Variants in KAT2B observed in about 807,000 individuals in gnomAD.
The protein encoded by KAT2B is histone acetyltransferase KAT2B.
KAT2B carries 36 observed loss-of-function variants against 105.9 expected under a neutral mutation model. The observed-to-expected ratio is 0.34, with a 90% CI of 0.26 to 0.45. The LOEUF is 0.45. Ranked by LOEUF, KAT2B falls within the 20% of genes least tolerant of loss-of-function variation. The pLI is 1.00. For missense variants in KAT2B, 820 were observed against 1,021.6 expected, an observed-to-expected ratio of 0.80 and a Z score of 2.69; for synonymous variants, 397 against 377.9, an observed-to-expected ratio of 1.05 and a Z score of -0.59.
intron 2 of KAT2B, among the ~76,000 whole-genome samples, chr3:20,077,269 G>A (rs1019774918): frequency 2.6e-5 from 4 of 152,174 alleles, no homozygotes; most frequent in African/African-American, 9.7e-5. Context: ...TTGAGCCCAG[G>A]AGTTTGAGGC....
intron 1 of KAT2B, among the ~76,000 whole-genome samples, chr3:20,065,692 A>G (rs1295128172): frequency 1.3e-5 from 2 of 152,214 alleles, no homozygotes; most frequent in Non-Finnish European, 2.9e-5. Context: ...TGCAAGAACC[A>G]ATTTTCATAT....
At chr3:20,101,529 T>C in intron 5 of KAT2B, 61 bp downstream of exon 5, 1 of 1,320,806 alleles carries the variant, frequency 7.6e-7, no homozygotes, top group Non-Finnish European at 1.1e-6. Flanking sequence ...CCTAAAATTG[T>C]ACTTGACTCT....
intron 2 of KAT2B, among the ~76,000 whole-genome samples, chr3:20,075,487 A>G (rs1412775578): frequency 1.3e-5 from 2 of 152,006 alleles, no homozygotes; most frequent in African/African-American, 4.8e-5. Context: ...CAGTCCCACA[A>G]TAGTGCTCCC....
intron 9 of KAT2B, among the ~76,000 whole-genome samples, chr3:20,123,188 GCT>G (rs1330373996): frequency 6.6e-6 from 1 of 152,048 alleles, no homozygotes; most frequent in Non-Finnish European, 1.5e-5. Flanking sequence ...CTCCCCATAT[GCT>G]CTTTTTCTTT....
intron 8 of KAT2B, 90 bp from the exon 9 acceptor site, chr3:20,122,578 C>A: frequency 2.0e-6 from 2 of 1,005,748 alleles, no homozygotes; most frequent in South Asian, 1.6e-5. Flanking sequence ...CCTCCATGCC[C>A]ATCAATGCTG....
chr3:20,075,886 G>A (rs1174718331), intron 2 of KAT2B, among the ~76,000 whole-genome samples: 1 of 144,972 alleles, frequency 6.9e-6, no homozygotes, highest in Non-Finnish European at 1.5e-5. Context: ...CAGCCTGGGC[G>A]ACAGAGCGAG....
rs1699127487 is a variant in KAT2B, at chr3:20,111,847, A to G, written c.1043+60A>G. 7.6e-6 allele frequency: 10 copies of G among 1,323,324 alleles called. No individual in the cohort carries two copies. In the Middle Eastern group the frequency reaches 5.6e-4, roughly 75 times the overall value. The allele number at this position is 1,323,324 out of a possible 1,614,324, so 82.0% of individuals were successfully genotyped here. On this transcript the variant is annotated intron_variant, in intron 6 of 17. Coordinates refer to ENST00000263754, the MANE Select transcript of KAT2B (RefSeq NM_003884.5). ...CCAGAGCTTGAGGTTGCTAAATACA[A>G]TGCCAAAGCCTGCATAAATAACAAG...
intron 9 of KAT2B, among the ~76,000 whole-genome samples, chr3:20,125,273 C>T (rs1699380134): frequency 1.4e-5 from 2 of 138,662 alleles, no homozygotes; most frequent in South Asian, 2.3e-4. Flanking sequence ...CCACTGCAGT[C>T]TGGCCTGGGC....
intron 11 of KAT2B, among the ~76,000 whole-genome samples, chr3:20,128,093 G>A (rs1249074557): frequency 1.3e-5 from 2 of 152,208 alleles, no homozygotes; most frequent in Non-Finnish European, 2.9e-5. Flanking sequence ...CCAACAAGTA[G>A]GGTTGTACCA....
At chr3:20,138,581 GA>G (rs1157699861) in intron 12 of KAT2B, among the ~76,000 whole-genome samples, 1 of 151,716 alleles carries the variant, frequency 6.6e-6, no homozygotes, top group African/African-American at 2.4e-5. Context: ...GTTGGTAACT[GA>G]AAAAAAATTT....
chr3:20,145,733 A>G (rs1699774614), intron 13 of KAT2B, among the ~76,000 whole-genome samples: 1 of 152,038 alleles, frequency 6.6e-6, no homozygotes, highest in South Asian at 2.1e-4. Flanking sequence ...TTTAAATTGC[A>G]TTATTCTTTT....
chr3:20,069,370 G>A lies in KAT2B; in HGVS notation c.304-2963G>A, dbSNP rs534936974. Among the ~76,000 whole-genome samples, 26 of 152,200 alleles carry A rather than the reference G, an allele frequency of 1.7e-4. No individual in the cohort carries two copies. In the South Asian group the frequency reaches 5.0e-3, roughly 29 times the overall value. ...AAGGTTTGTTATGTAGATTCCCCTGGTACCCTATCTGGGCTGATAAAGGTC... is the reference window on the plus strand; with the variant it reads ...AAGGTTTGTTATGTAGATTCCCCTGATACCCTATCTGGGCTGATAAAGGTC... On this transcript the variant is annotated intron_variant, in intron 1 of 17. Coordinates refer to ENST00000263754, the MANE Select transcript of KAT2B (RefSeq NM_003884.5).
intron 8 of KAT2B, among the ~76,000 whole-genome samples, chr3:20,121,193 G>A (rs1230182793): frequency 6.6e-6 from 1 of 152,146 alleles, no homozygotes; most frequent in African/African-American, 2.4e-5. Flanking sequence ...AAGTGATTTA[G>A]TAAATAATAT....
chr3:20,130,349 T>C (rs1056902445), intron 11 of KAT2B, among the ~76,000 whole-genome samples: 1 of 152,188 alleles, frequency 6.6e-6, no homozygotes, highest in African/African-American at 2.4e-5. Flanking sequence ...AGTGTGTCTT[T>C]AGATGGTGCT....
At chr3:20,145,332 G>A (rs1352694129) in intron 13 of KAT2B, among the ~76,000 whole-genome samples, 1 of 152,034 alleles carries the variant, frequency 6.6e-6, no homozygotes, top group Admixed American at 6.6e-5. Context: ...AGATTTACTA[G>A]GAATATACTT....
intron 7 of KAT2B, among the ~76,000 whole-genome samples, chr3:20,118,726 CAA>C (rs202106321): frequency 2.9e-3 from 264 of 90,134 alleles, no homozygotes; most frequent in African/African-American, 7.6e-3. Context: ...AACTTTGTCT[CAA>C]AAAAAAAAAA....
At chr3:20,066,876 CA>C in intron 1 of KAT2B, among the ~76,000 whole-genome samples, 1 of 151,844 alleles carries the variant, frequency 6.6e-6, no homozygotes. Flanking sequence ...GATATTTTAA[CA>C]TTTTTTAATA....
intron 1 of KAT2B, among the ~76,000 whole-genome samples, chr3:20,045,643 C>T (rs765086965): frequency 1.6e-4 from 25 of 152,286 alleles, no homozygotes; most frequent in Admixed American, 4.6e-4. Context: ...ATTGACTAAC[C>T]CTTCCTAAAG....
intron 1 of KAT2B, among the ~76,000 whole-genome samples, chr3:20,065,094 G>A (rs959503786): frequency 1.3e-4 from 20 of 152,070 alleles, no homozygotes; most frequent in African/African-American, 4.6e-4. Flanking sequence ...AACAACATCG[G>A]TTGCATACTA....
Sources: gnomAD v4.1 joint callset for allele counts (sites outside exome capture counted in the v4.1 genomes callset) on GRCh38, gnomAD v4.1.1 for gene constraint, MANE v1.5 for transcripts, NCBI Gene and HGNC (gene_info 2026-07-23, HGNC 2026-07-21) for gene names.